Variants in PHTF2 observed in about 807,000 individuals in gnomAD.
PHTF2 encodes the protein putative homeodomain transcription factor 2.
Under a neutral mutation model 101.2 loss-of-function variants are expected in PHTF2, and 60 were observed. That is an observed-to-expected ratio of 0.59 (90% CI 0.48 to 0.73). The LOEUF (loss-of-function observed/expected upper bound fraction) is 0.73. PHTF2 is among the 30% of genes least tolerant of loss of function. The probability of loss-of-function intolerance (pLI) is 0.00; values close to 1 mark genes in which losing one functional copy is unlikely to be tolerated. For synonymous variants in PHTF2, 311 were observed against 307.3 expected, an observed-to-expected ratio of 1.01 and a Z score of -0.13; for missense variants, 747 against 908.7, an observed-to-expected ratio of 0.82 and a Z score of 2.29.
At chr7:77,828,735 G>T (rs1465843889) in intron 1 of PHTF2, among the ~76,000 whole-genome samples, 1 of 152,118 alleles carries the variant, frequency 6.6e-6, no homozygotes, top group Non-Finnish European at 1.5e-5. Context: ...GGGCGTGGTG[G>T]TGCGCACCTG....
chr7:77,831,573 G>C (rs1266075156), intron 1 of PHTF2, among the ~76,000 whole-genome samples: 1 of 152,208 alleles, frequency 6.6e-6, no homozygotes, highest in Admixed American at 6.5e-5. Flanking sequence ...TTGACAACAA[G>C]GCAGTAATGC....
chr7:77,890,827 G>A (rs1800331381), intron 3 of PHTF2, among the ~76,000 whole-genome samples: 2 of 150,478 alleles, frequency 1.3e-5, no homozygotes, highest in Admixed American at 6.6e-5. Context: ...GGATGGTCTC[G>A]ATCTCCTGAC....
chr7:77,924,631 A>G (rs534882533), intron 11 of PHTF2, among the ~76,000 whole-genome samples: 2 of 152,216 alleles, frequency 1.3e-5, no homozygotes, highest in South Asian at 4.1e-4. Context: ...TATTTTGTGC[A>G]TGGATGGGAT....
rs1475267861 is a variant in PHTF2 at position 77,821,146 on chromosome 7, A to G, written c.-35-19075A>G. Among the ~76,000 whole-genome samples, 5 of 151,360 alleles carry G rather than the reference A, an allele frequency of 3.3e-5. 1 individual carries two copies. The highest frequency in any genetic ancestry group is 7.4e-5 in the Non-Finnish European group (5 of 67,884). On this transcript the variant is annotated intron_variant, in intron 1 of 19. Transcript: ENST00000416283. ...TGGCAGTTTTTTTTTTTTCTTTTCA[A>G]TATTTTGAATATATCATCTCATTCT... is the stretch of plus-strand genomic sequence containing the variant.
At chr7:77,801,076 T>C (rs1792506160) in intron 1 of PHTF2, among the ~76,000 whole-genome samples, 1 of 152,228 alleles carries the variant, frequency 6.6e-6, no homozygotes, top group South Asian at 2.1e-4. Context: ...CATTGTATAA[T>C]AGGCACTGTT....
chr7:77,898,296 G>A (rs1286467726), intron 5 of PHTF2, among the ~76,000 whole-genome samples: 1 of 152,020 alleles, frequency 6.6e-6, no homozygotes, highest in Admixed American at 6.5e-5. Flanking sequence ...TTAGTCAGAA[G>A]ACATTGGCAA....
intron 1 of PHTF2, among the ~76,000 whole-genome samples, chr7:77,822,305 A>C (rs1584397241): frequency 6.6e-6 from 1 of 152,166 alleles, no homozygotes; most frequent in South Asian, 2.1e-4. Flanking sequence ...TCAGCCACCC[A>C]TGTGAGTGTG....
intron 9 of PHTF2, among the ~76,000 whole-genome samples, chr7:77,917,064 T>C (rs1802996503): frequency 6.6e-6 from 1 of 152,236 alleles, no homozygotes; most frequent in Non-Finnish European, 1.5e-5. Flanking sequence ...TCCTTCTACA[T>C]TTATTAGTCG....
chr7:77,820,103 G>A (rs903902733), intron 1 of PHTF2, among the ~76,000 whole-genome samples: 25 of 152,208 alleles, frequency 1.6e-4, no homozygotes, highest in Non-Finnish European at 1.8e-4. Context: ...TGGTCAGGCT[G>A]GTCTCAAACT....
rs149744049 is a variant in PHTF2 at position 77,872,813 on chromosome 7, C to T, written c.147+17979C>T. Among the ~76,000 whole-genome samples, 5 of 152,318 alleles carry T rather than the reference C, an allele frequency of 3.3e-5. No individual in the cohort carries two copies. The East Asian group carries it at 9.7e-4, about 29-fold the overall frequency. Reference sequence around the variant, plus strand: ...CTAATCCGCTCCACCATCCCAGTCTCCCTAAGCCTTTAGATCCCTTCCTCT... The same window carrying T: ...CTAATCCGCTCCACCATCCCAGTCTTCCTAAGCCTTTAGATCCCTTCCTCT... On this transcript the variant is annotated intron_variant, in intron 3 of 19. Coordinates refer to ENST00000416283, the Ensembl canonical transcript of PHTF2.
chr7:77,912,710 CTTTTTTTTTTTTTTTTTTT>C (rs536966733), intron 9 of PHTF2, among the ~76,000 whole-genome samples: 35 of 80,464 alleles, frequency 4.3e-4, no homozygotes, highest in South Asian at 1.6e-3. Context: ...AGAGAACCAC[CTTTTTTTTTTTTTTTTTTT>C]TTTTTTTTTT....
intron 1 of PHTF2, among the ~76,000 whole-genome samples, chr7:77,832,027 C>G (rs2150553749): frequency 6.7e-6 from 1 of 150,182 alleles, no homozygotes; most frequent in South Asian, 2.1e-4. Flanking sequence ...CAAGGTCTCT[C>G]CAGAGATTTT....
chr7:77,873,682 G>A (rs962684595), intron 3 of PHTF2, among the ~76,000 whole-genome samples: 19 of 152,136 alleles, frequency 1.2e-4, no homozygotes, highest in African/African-American at 4.3e-4. Context: ...CACTACTGGG[G>A]ATGAGGAAGC....
Position 77,856,283 on chromosome 7 carries a change from A to G in PHTF2, c.147+1449A>G, listed in dbSNP as rs531080411. The stretch of plus-strand genomic sequence containing the variant: ...AAATATGAAGTACAGTCAGCCCTCC[A>G]GGTCTGTGGGCTCCACATCTGTGGA... On this transcript the variant is annotated intron_variant, in intron 3 of 19. Coordinates refer to ENST00000416283, the Ensembl canonical transcript of PHTF2. Among the ~76,000 whole-genome samples the G allele has an allele frequency of 3.3e-5, 5 of 152,348 alleles. No individual in the cohort carries two copies. The South Asian group carries it at 1.0e-3, about 32-fold the overall frequency.
chr7:77,946,958 CAAAA>C (rs113457897), intron 16 of PHTF2, among the ~76,000 whole-genome samples: 3 of 66,410 alleles, frequency 4.5e-5, no homozygotes, highest in Non-Finnish European at 9.4e-5. Context: ...CTGGTCTCTA[CAAAA>C]AAAAAAAAAA....
chr7:77,954,612 GTATATATATATATATATATATA>G (rs66540211), intron 19 of PHTF2, among the ~76,000 whole-genome samples: 1 of 90,194 alleles, frequency 1.1e-5, no homozygotes, highest in Non-Finnish European at 2.1e-5. Context: ...CAAGTACTGT[GTATATATATATATATATATATA>G]TATATATATA....
intron 3 of PHTF2, among the ~76,000 whole-genome samples, chr7:77,886,618 TTTACTAG>T (rs1799872281): frequency 6.6e-6 from 1 of 152,192 alleles, no homozygotes; most frequent in African/African-American, 2.4e-5. Context: ...TGATAGTAAC[TTTACTAG>T]TTACTATGGA....
intron 9 of PHTF2, among the ~76,000 whole-genome samples, chr7:77,913,451 A>T (rs1041276033): frequency 6.6e-6 from 1 of 152,098 alleles, no homozygotes; most frequent in Non-Finnish European, 1.5e-5. Context: ...TTTAATTTCA[A>T]TTAATTTTTA....
At chr7:77,903,946 T>C (rs566949312) in intron 7 of PHTF2, among the ~76,000 whole-genome samples, 1 of 152,336 alleles carries the variant, frequency 6.6e-6, no homozygotes, top group South Asian at 2.1e-4. Flanking sequence ...TTATTTCAAT[T>C]ACATGCTTTT....
Sources: gnomAD v4.1 joint callset for allele counts (sites outside exome capture counted in the v4.1 genomes callset) on GRCh38, gnomAD v4.1.1 for gene constraint, MANE v1.5 for transcripts, NCBI Gene and HGNC (gene_info 2026-07-23, HGNC 2026-07-21) for gene names.